Variants in HTR2C observed in about 807,000 individuals in gnomAD.
HTR2C encodes the protein 5-hydroxytryptamine receptor 2C, also known as 5-hydroxytryptamine (serotonin) receptor 2C, G protein-coupled.
A neutral mutation model predicts 21.0 loss-of-function variants in HTR2C; 5 were observed. That is an observed-to-expected ratio of 0.24 (90% CI 0.12 to 0.50). HTR2C has a LOEUF of 0.50. Ranked by LOEUF, HTR2C falls within the 20% of genes least tolerant of loss-of-function variation. The pLI is 0.98. For missense variants in HTR2C, 271 were observed against 371.2 expected, an observed-to-expected ratio of 0.73 and a Z score of 2.22; for synonymous variants, 150 against 145.3, an observed-to-expected ratio of 1.03 and a Z score of -0.23.
At chrX:114,883,092 A>T (rs1165611567) in intron 5 of HTR2C, among the ~76,000 whole-genome samples, 7 of 109,844 alleles carry the variant, frequency 6.4e-5, no homozygotes, top group Admixed American at 5.9e-4. Flanking sequence ...CATTTTTGGT[A>T]GGTTGCACCT....
intron 4 of HTR2C, among the ~76,000 whole-genome samples, chrX:114,829,910 A>T (rs1258219130): frequency 9.0e-6 from 1 of 111,257 alleles, no homozygotes; most frequent in Non-Finnish European, 1.9e-5. Flanking sequence ...GGGAATTCTG[A>T]GTCCTAAAAT....
chrX:114,887,488 T>C (rs890919774), intron 5 of HTR2C, among the ~76,000 whole-genome samples: 2 of 111,609 alleles, frequency 1.8e-5, no homozygotes, highest in Non-Finnish European at 3.8e-5. Flanking sequence ...ATATTCTTTG[T>C]ATTTTTATAT....
intron 2 of HTR2C, among the ~76,000 whole-genome samples, chrX:114,679,425 C>T (rs1042285592): frequency 1.8e-5 from 2 of 110,231 alleles, no homozygotes; most frequent in South Asian, 7.9e-4. Flanking sequence ...CTCACAGGCA[C>T]GCTCTACCAT....
chrX:114,640,252 T>C (rs1373508453), intron 2 of HTR2C, among the ~76,000 whole-genome samples: 2 of 111,881 alleles, frequency 1.8e-5, no homozygotes, highest in South Asian at 3.7e-4. Context: ...AAAAGTAGAA[T>C]TGGATATTGT....
chrX:114,673,836 CTTT>C (rs1225342948), intron 2 of HTR2C, among the ~76,000 whole-genome samples: 1 of 111,386 alleles, frequency 9.0e-6, no homozygotes, highest in South Asian at 3.7e-4. Flanking sequence ...ATTGTGGAAA[CTTT>C]TTTTGCTATA....
At position 114,726,966 on chromosome X, in the gene HTR2C, A is replaced by C. The variant is rs781909385; in HGVS notation, c.30A>C (p.Ser10=). MVNLRNAVH[S]FLVHLIGLLV... is the part of the protein sequence containing the mutation. ...TGAACCTGAGGAATGCGGTGCATTC[A>C]TTCCTGTAAGGATGTTACTACTTAT... is the stretch of plus-strand genomic sequence containing the variant. The change falls in exon 3 of 6, where the codon TCA becomes TCC. Residue 10 remains serine, a synonymous_variant. Transcript: ENST00000276198. 1.8e-6 allele frequency: 2 copies of C among 1,094,640 alleles called. No individual in the cohort carries two copies. Among genetic ancestry groups the C allele is most frequent in the Non-Finnish European group, 2.4e-6 (2 of 820,836 alleles). The allele number at this position is 1,094,640 out of a possible 1,213,427, so 90.2% of individuals were successfully genotyped here. A position where few individuals can be genotyped will look rare whatever the true frequency, so the allele number is the denominator to read the frequency against.
At chrX:114,771,435 AG>A (rs1556436912) in intron 4 of HTR2C, among the ~76,000 whole-genome samples, 1 of 111,893 alleles carries the variant, frequency 8.9e-6, no homozygotes, top group Non-Finnish European at 1.9e-5. Flanking sequence ...AAATGCTATG[AG>A]CCAGTTTTTC....
chrX:114,809,200 C>G (rs1556451874), intron 4 of HTR2C, among the ~76,000 whole-genome samples: 1 of 110,373 alleles, frequency 9.1e-6, no homozygotes, highest in East Asian at 2.9e-4. Flanking sequence ...GAGCTGACAC[C>G]CAAGCTACGG....
At position 114,782,748 on chromosome X, in the gene HTR2C, G is replaced by A. The variant is rs782219116; in HGVS notation, c.349+51141G>A. Among the ~76,000 whole-genome samples, 12 of 111,157 alleles carry A rather than the reference G, an allele frequency of 1.1e-4. No homozygotes were observed. In the South Asian group the frequency reaches 4.5e-3, roughly 42 times the overall value. ...AAAAGGTGTCAAAATAGTGTCGTAA[G>A]TGAGTACATATTTTAAGAAGATAAA... On this transcript the variant is annotated intron_variant, in intron 4 of 5. Coordinates refer to ENST00000276198, the MANE Select transcript of HTR2C (RefSeq NM_000868.4).
At chrX:114,731,243 T>C (rs1556423167) in intron 3 of HTR2C, 51 bp from the exon 4 acceptor site, 1 of 898,905 alleles carries the variant, frequency 1.1e-6, no homozygotes, top group East Asian at 3.1e-5. Flanking sequence ...ACGTATTGTG[T>C]ATAAGTAATA....
chrX:114,897,695 T>G (rs2071307162), intron 5 of HTR2C, among the ~76,000 whole-genome samples: 1 of 112,276 alleles, frequency 8.9e-6, no homozygotes, highest in African/African-American at 3.2e-5. Flanking sequence ...CTGAAGATAA[T>G]GGCTTCCAGC....
chrX:114,726,721 A>G (rs782710004), intron 2 of HTR2C, 137 bp from the exon 3 acceptor site: 2 of 348,219 alleles, frequency 5.7e-6, no homozygotes, highest in East Asian at 1.1e-4. Flanking sequence ...CTTACACAGT[A>G]TAACATGCTT....
chrX:114,906,519 T>C, intron 5 of HTR2C, 70 bp from the exon 6 acceptor site: 1 of 754,678 alleles, frequency 1.3e-6, no homozygotes, highest in Non-Finnish European at 1.9e-6. Flanking sequence ...CAAATTAATG[T>C]ATGCCGTTGA....
intron 4 of HTR2C, among the ~76,000 whole-genome samples, chrX:114,780,594 A>C (rs2070107551): frequency 9.0e-6 from 1 of 111,529 alleles, no homozygotes; most frequent in African/African-American, 3.3e-5. Context: ...GGGGAGGAGT[A>C]AACCTGTCCC....
intron 4 of HTR2C, among the ~76,000 whole-genome samples, chrX:114,808,931 G>A (rs1487373534): frequency 1.8e-5 from 2 of 111,880 alleles, no homozygotes; most frequent in Non-Finnish European, 3.8e-5. Context: ...CACTGGGACT[G>A]TACTAGGTCA....
intron 4 of HTR2C, among the ~76,000 whole-genome samples, chrX:114,806,581 T>C (rs868929303): frequency 2.1e-5 from 2 of 94,249 alleles, no homozygotes; most frequent in Admixed American, 1.3e-4. Flanking sequence ...ATATATATCA[T>C]ATATATCATA....
intron 5 of HTR2C, among the ~76,000 whole-genome samples, chrX:114,894,248 A>G (rs2071279348): frequency 8.9e-6 from 1 of 111,930 alleles, no homozygotes; most frequent in African/African-American, 3.2e-5. Flanking sequence ...ATAATCCCAA[A>G]CTGAAAATAT....
At chrX:114,727,772 G>T (rs1160411438) in intron 3 of HTR2C, among the ~76,000 whole-genome samples, 1 of 111,733 alleles carries the variant, frequency 8.9e-6, no homozygotes, top group Non-Finnish European at 1.9e-5. Context: ...CAGCAACATT[G>T]GATCCTCTGC....
chrX:114,686,695 A>AT (rs35516021), intron 2 of HTR2C, among the ~76,000 whole-genome samples: 1,359 of 110,795 alleles, frequency 0.012, 14 homozygotes, highest in African/African-American at 0.042. Context: ...TATTTAAAAA[A>AT]TTTTTTTAAA....
Sources: gnomAD v4.1 joint callset for allele counts (sites outside exome capture counted in the v4.1 genomes callset) on GRCh38, gnomAD v4.1.1 for gene constraint, MANE v1.5 for transcripts, NCBI Gene and HGNC (gene_info 2026-07-23, HGNC 2026-07-21) for gene names.